RANBP2: variants seen among roughly 807,000 people sequenced by gnomAD.
The protein encoded by RANBP2 is RAN binding protein 2.
Under a neutral mutation model 303.6 loss-of-function variants are expected in RANBP2, and 57 were observed. The ratio of observed to expected loss-of-function variants is 0.19; its 90% CI spans 0.15 to 0.23. RANBP2 has a LOEUF of 0.23. Among genes scored for constraint, RANBP2 ranks in the 10% least tolerant of loss-of-function variants. The pLI, the probability that RANBP2 is intolerant of heterozygous loss-of-function variation, is 1.00. For missense variants in RANBP2, 3,138 were observed against 3,780.8 expected (o/e 0.83, Z 4.46); for synonymous variants, 1,167 against 1,301.5 (o/e 0.90, Z 2.23).
At chr2:108,821,938 A>AAG in the RANBP2 span, among the ~76,000 whole-genome samples, 1 of 151,830 alleles carries the variant, frequency 6.6e-6, no homozygotes, top group East Asian at 1.9e-4. Context: ...CAAAAAAAAA[A>AAG]AAAAAAAGTA....
At chr2:109,343,720 C>G in the RANBP2 span, among the ~76,000 whole-genome samples, 1 of 151,114 alleles carries the variant, frequency 6.6e-6, no homozygotes, top group Non-Finnish European at 1.5e-5. Context: ...GCCCCTGCTT[C>G]TGCCCTGCTC....
the RANBP2 span, chr2:109,568,115 T>C: frequency 1.6e-6 from 1 of 636,632 alleles, no homozygotes; most frequent in Non-Finnish European, 2.7e-6. Context: ...CTACGGTCCA[T>C]CTCGCTGTTG....
At chr2:108,994,176 G>C in the RANBP2 span, among the ~76,000 whole-genome samples, 1 of 152,136 alleles carries the variant, frequency 6.6e-6, no homozygotes, top group Non-Finnish European at 1.5e-5. Context: ...AATGCAAGCT[G>C]GATTTGGAAC....
chr2:109,732,528 G>C, the RANBP2 span, among the ~76,000 whole-genome samples: 15 of 151,374 alleles, frequency 9.9e-5, no homozygotes, highest in South Asian at 3.2e-3. Flanking sequence ...CCCCAGGCTG[G>C]AGTGCAATGG....
the RANBP2 span, among the ~76,000 whole-genome samples, chr2:109,678,565 T>C: frequency 6.6e-6 from 1 of 152,232 alleles, no homozygotes; most frequent in Non-Finnish European, 1.5e-5. Context: ...TCATTGCCCA[T>C]CTGTAATGCA....
At chr2:108,833,367 A>G in the RANBP2 span, among the ~76,000 whole-genome samples, 5 of 152,212 alleles carry the variant, frequency 3.3e-5, no homozygotes, top group Non-Finnish European at 5.9e-5. Context: ...AACATTCTCA[A>G]CTTCCTGCTC....
the RANBP2 span, among the ~76,000 whole-genome samples, chr2:109,459,897 G>C: frequency 1.3e-5 from 2 of 152,216 alleles, no homozygotes; most frequent in Non-Finnish European, 2.9e-5. Context: ...CTGGGCCCAT[G>C]AGTCCTGGCT....
At chr2:108,950,674 C>T in the RANBP2 span, among the ~76,000 whole-genome samples, 1 of 152,232 alleles carries the variant, frequency 6.6e-6, no homozygotes, top group Non-Finnish European at 1.5e-5. Context: ...TTGGAGCTGC[C>T]CTCAGCCTTC....
At chr2:109,584,351 T>C in the RANBP2 span, among the ~76,000 whole-genome samples, 5 of 151,800 alleles carry the variant, frequency 3.3e-5, no homozygotes, top group Admixed American at 6.6e-5. Flanking sequence ...GGCAGGTGCC[T>C]GTAATCCTAG....
At chr2:109,419,286 C>T in the RANBP2 span, among the ~76,000 whole-genome samples, 3 of 152,124 alleles carry the variant, frequency 2.0e-5, no homozygotes, top group Non-Finnish European at 4.4e-5. Context: ...TGATGCTGAC[C>T]AGCCTAGATG....
At chr2:109,500,212 G>C in the RANBP2 span, among the ~76,000 whole-genome samples, 1 of 152,178 alleles carries the variant, frequency 6.6e-6, no homozygotes, top group Non-Finnish European at 1.5e-5. Flanking sequence ...GTTAGTGGTT[G>C]TTCAAGTTGT....
chr2:108,788,205 G>A, downstream of RANBP2: 4 of 1,019,476 alleles, frequency 3.9e-6, no homozygotes, highest in Non-Finnish European at 5.6e-6. Context: ...AATCACCTGA[G>A]GTCAGGAGTT....
the RANBP2 span, among the ~76,000 whole-genome samples, chr2:109,696,199 G>A: frequency 1.3e-4 from 20 of 152,188 alleles, no homozygotes; most frequent in Admixed American, 2.0e-4. Flanking sequence ...TCCTGACCTC[G>A]TGATCTGCCT....
the RANBP2 span, among the ~76,000 whole-genome samples, chr2:108,918,675 C>T: frequency 6.6e-6 from 1 of 152,290 alleles, no homozygotes; most frequent in East Asian, 1.9e-4. Flanking sequence ...GTTCCCCTTC[C>T]CCAGGAATGC....
the RANBP2 span, among the ~76,000 whole-genome samples, chr2:109,229,185 G>T: frequency 1.3e-5 from 2 of 152,148 alleles, no homozygotes; most frequent in Non-Finnish European, 2.9e-5. Flanking sequence ...CAGGGACAAA[G>T]ACCAAATATG....
chr2:108,742,109 G>T (rs1302880367), intron 7 of RANBP2, among the ~76,000 whole-genome samples: 1 of 151,772 alleles, frequency 6.6e-6, no homozygotes, highest in Non-Finnish European at 1.5e-5. Context: ...CGATTGTCCT[G>T]CTTCAGCCTC....
chr2:109,277,199 C>T, the RANBP2 span, among the ~76,000 whole-genome samples: 66 of 152,256 alleles, frequency 4.3e-4, 1 homozygote, highest in Admixed American at 2.6e-4. Flanking sequence ...GAATTTCAGT[C>T]GCATCTGTGC....
chr2:109,357,307 G>A, the RANBP2 span, among the ~76,000 whole-genome samples: 6,818 of 151,682 alleles, frequency 0.045, 506 homozygotes, highest in African/African-American at 0.16. Context: ...TCAGCCTCCC[G>A]AGTAGCTGGG....
At chr2:109,094,814 G>A in the RANBP2 span, among the ~76,000 whole-genome samples, 1 of 152,074 alleles carries the variant, frequency 6.6e-6, no homozygotes, top group Non-Finnish European at 1.5e-5. Context: ...TGAGTGACAA[G>A]AGCAAGTCTC....
Sources: allele counts gnomAD v4.1 joint callset (sites outside exome capture counted in the v4.1 genomes callset), GRCh38; gene constraint gnomAD v4.1.1; transcripts MANE v1.5; gene names NCBI Gene and HGNC (gene_info 2026-07-23, HGNC 2026-07-21).